LRP1B: variants seen among roughly 807,000 people sequenced by gnomAD.
LRP1B encodes the protein LDL receptor related protein 1B, also known as low-density lipoprotein receptor-related protein 1B.
In LRP1B, 217 loss-of-function variants were observed where a neutral mutation model predicts 556.6. The ratio of observed to expected loss-of-function variants is 0.39; its 90% CI spans 0.35 to 0.44. The LOEUF is 0.44. Among genes scored for constraint, LRP1B ranks in the 20% least tolerant of loss-of-function variants. The pLI is 1.00. For missense variants in LRP1B, 5,053 were observed against 5,620.8 expected (o/e 0.90, Z 3.23); for synonymous variants, 2,047 against 1,865.8 (o/e 1.10, Z -2.50).
chr2:140,702,868 T>G (rs1175480754), intron 37 of LRP1B, among the ~76,000 whole-genome samples: 1 of 152,114 alleles, frequency 6.6e-6, no homozygotes, highest in Non-Finnish European at 1.5e-5. Flanking sequence ...ATATCTCAAC[T>G]ATTTCTTTCC....
At chr2:142,016,931 T>C (rs1190311372) in intron 1 of LRP1B, among the ~76,000 whole-genome samples, 1 of 150,670 alleles carries the variant, frequency 6.6e-6, no homozygotes, top group Non-Finnish European at 1.5e-5. Context: ...TATGTATGTA[T>C]ATATGTATAT....
At chr2:141,838,118 T>C (rs1697350576) in intron 1 of LRP1B, among the ~76,000 whole-genome samples, 1 of 152,118 alleles carries the variant, frequency 6.6e-6, no homozygotes, top group African/African-American at 2.4e-5. Flanking sequence ...GTACCTACTG[T>C]CTGCCAAATA....
intron 66 of LRP1B, among the ~76,000 whole-genome samples, chr2:140,418,013 T>C (rs1367730111): frequency 6.6e-6 from 1 of 152,174 alleles, no homozygotes; most frequent in Non-Finnish European, 1.5e-5. Context: ...AGATTTCTTT[T>C]AGAAAACCAC....
chr2:140,501,966 G>T (rs1274229741), intron 54 of LRP1B, 92 bp from the exon 55 acceptor site: 1 of 830,686 alleles, frequency 1.2e-6, no homozygotes, highest in South Asian at 2.4e-5. Context: ...CATTAACTCA[G>T]GTGTCAAAAA....
At chr2:141,832,328 C>CTT (rs140044418) in intron 1 of LRP1B, among the ~76,000 whole-genome samples, 1 of 6,220 alleles carries the variant, frequency 1.6e-4, no homozygotes, top group Non-Finnish European at 3.3e-4. Context: ...CTTTCTCTCT[C>CTT]ACACACACAC....
intron 23 of LRP1B, 104 bp from the exon 24 acceptor site, chr2:140,886,439 TTC>T: frequency 1.5e-6 from 1 of 655,146 alleles, no homozygotes; most frequent in Non-Finnish European, 2.5e-6. Context: ...TATTACATAA[TTC>T]TCTGTCTTAA....
At position 140,526,241 on chromosome 2, in the gene LRP1B, G is replaced by A. The variant is rs374945026; in HGVS notation, c.7872C>T (p.Asn2624=). ...IDCADASDEK[N]CNNTDCTHFY... ...AAAGGTAGTGGAATATCTTACTGCA[G>A]TTCTTTTCATCTGAAGCATCTGCAC... is the stretch of plus-strand genomic sequence containing the variant. The change falls in exon 48 of 91, where the codon AAC becomes AAT. Residue 2624 remains asparagine (N), a synonymous_variant. Coordinates refer to ENST00000389484, the MANE Select transcript of LRP1B (RefSeq NM_018557.3). 1.2e-6 allele frequency: 2 copies of A among 1,610,868 alleles called. No individual in the cohort carries two copies. Among genetic ancestry groups the A allele is most frequent in the African/African-American group, 2.7e-5 (2 of 74,730 alleles).
intron 31 of LRP1B, among the ~76,000 whole-genome samples, chr2:140,818,382 T>C (rs1217331847): frequency 2.0e-5 from 3 of 149,322 alleles, no homozygotes; most frequent in East Asian, 3.9e-4. Context: ...ACAGAAAACA[T>C]AGAGAAATAC....
intron 7 of LRP1B, among the ~76,000 whole-genome samples, chr2:141,125,999 G>A (rs1213468465): frequency 6.6e-6 from 1 of 151,540 alleles, no homozygotes; most frequent in East Asian, 1.9e-4. Flanking sequence ...CATGGGCTTG[G>A]CTGAGCCCTC....
At chr2:141,018,941 A>G (rs1296783544) in intron 12 of LRP1B, among the ~76,000 whole-genome samples, 1 of 152,080 alleles carries the variant, frequency 6.6e-6, no homozygotes, top group East Asian at 1.9e-4. Flanking sequence ...AGGGATTCAC[A>G]TGCCTCCTAT....
At chr2:141,265,466 C>T (rs528822032) in intron 3 of LRP1B, among the ~76,000 whole-genome samples, 2 of 152,166 alleles carry the variant, frequency 1.3e-5, no homozygotes, top group African/African-American at 4.8e-5. Flanking sequence ...AGAACTGTAC[C>T]CTGCATGCAT....
At chr2:140,959,206 G>T (rs1040767709) in intron 18 of LRP1B, among the ~76,000 whole-genome samples, 8 of 151,622 alleles carry the variant, frequency 5.3e-5, no homozygotes, top group Non-Finnish European at 1.2e-4. Context: ...ATCTGAATGT[G>T]AAGAATGTAA....
intron 7 of LRP1B, among the ~76,000 whole-genome samples, chr2:141,165,497 A>T (rs1680212037): frequency 6.6e-6 from 1 of 152,026 alleles, no homozygotes; most frequent in South Asian, 2.1e-4. Context: ...ATTTTACATC[A>T]TTTATTAGAT....
rs1464724524 is a variant in LRP1B, at chr2:141,425,934, A to T, written c.343+54462T>A. 3.3e-5 allele frequency among the ~76,000 whole-genome samples: 5 copies of T among 149,394 alleles called. No individual in the cohort carries two copies. In the East Asian group the frequency reaches 7.9e-4, roughly 24 times the overall value. ...AAGCTCTTTAGTTTAATTAGATCCC[A>T]TTTGTCAATTTTGGCTTTTGTTGCC... is the stretch of plus-strand genomic sequence containing the variant. On this transcript the variant is annotated intron_variant, in intron 3 of 90. Transcript: ENST00000389484.
chr2:140,516,326 ATAAT>A (rs1336013918), intron 50 of LRP1B, among the ~76,000 whole-genome samples: 3 of 152,232 alleles, frequency 2.0e-5, no homozygotes, highest in South Asian at 2.1e-4. Context: ...CAATAAAACA[ATAAT>A]TAACATAATA....
intron 2 of LRP1B, among the ~76,000 whole-genome samples, chr2:141,624,529 A>T (rs78450952): frequency 0.015 from 2,240 of 152,256 alleles, 39 homozygotes; most frequent in Admixed American, 0.022. Context: ...TATTAAAAAT[A>T]CAGCTGGCAA....
At chr2:141,994,766 A>C (rs767064515) in intron 1 of LRP1B, among the ~76,000 whole-genome samples, 36 of 152,246 alleles carry the variant, frequency 2.4e-4, no homozygotes, top group Admixed American at 1.2e-3. Flanking sequence ...ACTTTTATCT[A>C]TCTCTTCTAT....
chr2:140,872,080 G>GT (rs1693150192), intron 25 of LRP1B, among the ~76,000 whole-genome samples: 1 of 56,670 alleles, frequency 1.8e-5, no homozygotes, highest in African/African-American at 5.4e-5. Context: ...CTAGGACCTT[G>GT]TATTTTTTTT....
At chr2:141,881,017 TGAAA>T (rs1698942109) in intron 1 of LRP1B, among the ~76,000 whole-genome samples, 1 of 152,040 alleles carries the variant, frequency 6.6e-6, no homozygotes, top group South Asian at 2.1e-4. Flanking sequence ...ACGTTGTATC[TGAAA>T]GAAAGGAAAT....
Sources: gnomAD v4.1 joint callset for allele counts (sites outside exome capture counted in the v4.1 genomes callset) on GRCh38, gnomAD v4.1.1 for gene constraint, MANE v1.5 for transcripts, NCBI Gene and HGNC (gene_info 2026-07-23, HGNC 2026-07-21) for gene names.